The following BCL2L14 variants were observed in gnomAD, a reference collection of about 807,000 sequenced individuals.
BCL2L14 encodes BCL2 like 14.
BCL2L14 carries 27 observed loss-of-function variants against 35.3 expected under a neutral mutation model. The ratio of observed to expected loss-of-function variants is 0.76; its 90% CI spans 0.56 to 1.05. BCL2L14 has a LOEUF of 1.05. Among genes scored for constraint, BCL2L14 ranks in the 50% least tolerant of loss-of-function variants. The pLI is 0.00. For synonymous variants in BCL2L14, 139 were observed against 145.9 expected, an observed-to-expected ratio of 0.95 and a Z score of 0.34; for missense variants, 377 against 382.6, an observed-to-expected ratio of 0.99 and a Z score of 0.12.
chr12:12,096,238 T>G, intron 5 of BCL2L14: 10 of 869,486 alleles, frequency 1.2e-5, no homozygotes, highest in Non-Finnish European at 1.4e-5. Context: ...ATATATTTTC[T>G]CAGAGAAATT....
chr12:12,091,808 A>G (rs533736415), intron 4 of BCL2L14, among the ~76,000 whole-genome samples: 33 of 152,220 alleles, frequency 2.2e-4, no homozygotes, highest in Admixed American at 2.6e-4. Flanking sequence ...GGTGCAGAGG[A>G]AGCAAGAGAT....
At chr12:12,096,959 C>T (rs956078661) in intron 5 of BCL2L14, among the ~76,000 whole-genome samples, 2 of 151,958 alleles carry the variant, frequency 1.3e-5, no homozygotes, top group African/African-American at 2.4e-5. Flanking sequence ...CTGGCTAACA[C>T]GGTGAAACCC....
At chr12:12,083,465 T>C (rs1948972607) in intron 2 of BCL2L14, among the ~76,000 whole-genome samples, 1 of 152,238 alleles carries the variant, frequency 6.6e-6, no homozygotes, top group South Asian at 2.1e-4. Context: ...GTGAATCTTT[T>C]GTTTCTCCAT....
At chr12:12,064,212 C>A (rs1948566848) in intron 2 of BCL2L14, among the ~76,000 whole-genome samples, 1 of 152,176 alleles carries the variant, frequency 6.6e-6, no homozygotes, top group African/African-American at 2.4e-5. Context: ...TCACTGCAGC[C>A]TTGAACTCCT....
chr12:12,073,555 G>A (rs76256679), intron 1 of BCL2L14, among the ~76,000 whole-genome samples: 470 of 151,946 alleles, frequency 3.1e-3, no homozygotes, highest in Admixed American at 0.012. Context: ...TACTCCCCCC[G>A]CCACACACAC....
At chr12:12,060,475 G>A (rs4763763) in intron 2 of BCL2L14, among the ~76,000 whole-genome samples, 62,121 of 86,170 alleles carry the variant, frequency 0.72, 22,839 homozygotes, top group East Asian at 0.99. Context: ...ATTAAATTCC[G>A]GCCCTCAAAC....
intron 2 of BCL2L14, among the ~76,000 whole-genome samples, chr12:12,080,735 T>C (rs1429854736): frequency 1.3e-5 from 2 of 152,062 alleles, no homozygotes; most frequent in Admixed American, 1.3e-4. Context: ...CATCTGTACA[T>C]TGGGTACCCC....
chr12:12,098,379 T>G (rs1949359766), intron 5 of BCL2L14, among the ~76,000 whole-genome samples: 1 of 152,242 alleles, frequency 6.6e-6, no homozygotes, highest in African/African-American at 2.4e-5. Flanking sequence ...GGTGAGATCA[T>G]GTTTTTATGA....
At chr12:12,089,391 A>G in intron 3 of BCL2L14, among the ~76,000 whole-genome samples, 1 of 150,400 alleles carries the variant, frequency 6.6e-6, no homozygotes. Context: ...AAAAAAGTAG[A>G]AGAAGAAGGT....
rs1201425158 is a variant in BCL2L14 at position 12,079,500 on chromosome 12, G to A, written c.195G>A (p.Glu65=). 3 of 1,614,232 alleles carry A rather than the reference G, an allele frequency of 1.9e-6. No individual in the cohort carries two copies. Among genetic ancestry groups the A allele is most frequent in the African/African-American group, 2.7e-5 (2 of 75,058 alleles). Residue 65 remains glutamate (E), a synonymous_variant, in exon 2 of 6, where the codon GAG becomes GAA. Transcript: ENST00000308721. ...QRGLGNCSAN[E]SWTEVSWPCR... is the part of the protein sequence containing the mutation. ...GCCTGGGGAATTGTTCAGCAAATGAGTCATGGACAGAGGTGTCATGGCCTT... is the reference window on the plus strand; with the variant it reads ...GCCTGGGGAATTGTTCAGCAAATGAATCATGGACAGAGGTGTCATGGCCTT...
intron 3 of BCL2L14, among the ~76,000 whole-genome samples, chr12:12,089,248 G>T (rs10845477): frequency 6.6e-6 from 1 of 151,440 alleles, no homozygotes; most frequent in Non-Finnish European, 1.5e-5. Flanking sequence ...AGGTGCCTAT[G>T]ATCCCAACTA....
chr12:12,058,220 G>A (rs1948462546), intron 2 of BCL2L14, among the ~76,000 whole-genome samples: 1 of 150,450 alleles, frequency 6.6e-6, no homozygotes, highest in South Asian at 2.1e-4. Context: ...CCAAAGTGCT[G>A]GGATTACAGG....
At chr12:12,065,299 G>A (rs186486996) in intron 2 of BCL2L14, among the ~76,000 whole-genome samples, 1 of 152,112 alleles carries the variant, frequency 6.6e-6, no homozygotes, top group Non-Finnish European at 1.5e-5. Flanking sequence ...ACTTTGGGAG[G>A]CCGAGGCAGG....
At chr12:12,050,685 A>C (rs1246711643) in intron 1 of BCL2L14, among the ~76,000 whole-genome samples, 2 of 151,588 alleles carry the variant, frequency 1.3e-5, no homozygotes, top group Non-Finnish European at 2.9e-5. Context: ...TTCGAGTCTA[A>C]GAGCCTATTT....
intron 4 of BCL2L14, among the ~76,000 whole-genome samples, chr12:12,092,794 G>A (rs934879095): frequency 2.0e-5 from 3 of 152,144 alleles, no homozygotes; most frequent in African/African-American, 7.2e-5. Flanking sequence ...GGACGGTGGG[G>A]GTGGGCGTGG....
In BCL2L14 at chr12:12,092,897, G is replaced by T. The variant is rs576341255; in HGVS notation, c.679-1767G>T. On this transcript the variant is annotated intron_variant, in intron 4 of 5. Transcript: ENST00000308721. ...TAGAAACAATATTTGTTGAAAACCC[G>T]CTTGGCTTATCATTCCTCTAGGACA... Among the ~76,000 whole-genome samples, 4 of 152,278 alleles carry T rather than the reference G, an allele frequency of 2.6e-5. No individual in the cohort carries two copies. The East Asian group carries it at 5.8e-4, about 22-fold the overall frequency.
At chr12:12,057,907 T>C (rs1948456418) in intron 2 of BCL2L14, among the ~76,000 whole-genome samples, 1 of 151,614 alleles carries the variant, frequency 6.6e-6, no homozygotes, top group African/African-American at 2.4e-5. Context: ...TGTGCTCGTG[T>C]GACCCTGGGA....
intron 2 of BCL2L14, among the ~76,000 whole-genome samples, chr12:12,080,619 C>CAAA (rs36081910): frequency 2.1e-5 from 2 of 95,398 alleles, no homozygotes; most frequent in African/African-American, 3.6e-5. Context: ...GACTTTGTCT[C>CAAA]AAAAAAAAAA....
At chr12:12,073,602 G>A (rs565334377) in intron 1 of BCL2L14, among the ~76,000 whole-genome samples, 4,018 of 151,560 alleles carry the variant, frequency 0.027, 66 homozygotes, top group African/African-American at 0.04. Context: ...GCATGCACGC[G>A]CACACACACA....
Sources: allele counts gnomAD v4.1 joint callset (sites outside exome capture counted in the v4.1 genomes callset), GRCh38; gene constraint gnomAD v4.1.1; transcripts MANE v1.5; gene names NCBI Gene and HGNC (gene_info 2026-07-23, HGNC 2026-07-21).